CACNA2D2: variants seen among roughly 807,000 people sequenced by gnomAD.
CACNA2D2 encodes calcium voltage-gated channel auxiliary subunit alpha2delta 2, also known as voltage-dependent calcium channel subunit alpha-2/delta-2.
A neutral mutation model predicts 166.4 loss-of-function variants in CACNA2D2; 48 were observed. The ratio of observed to expected loss-of-function variants is 0.29; its 90% CI spans 0.23 to 0.37. The LOEUF (loss-of-function observed/expected upper bound fraction) is 0.37. CACNA2D2 is among the 10% of genes least tolerant of loss of function. The pLI is 1.00. For missense variants in CACNA2D2, 1,122 were observed against 1,433.0 expected (o/e 0.78, Z 3.50); for synonymous variants, 561 against 573.7 (o/e 0.98, Z 0.32).
In CACNA2D2 at chr3:50,363,184, C is replaced by A. The variant is rs1027307937; in HGVS notation, c.*1482G>T. On this transcript the variant is annotated 3_prime_UTR_variant, in exon 38 of 38. Transcript: ENST00000424201. ...TGACTACACTACAGTTACACGCACG[C>A]CCCCGAAGGACACAGCTGGCATCCA... 8 of 398,942 alleles carry A rather than the reference C, an allele frequency of 2.0e-5. No individual in the cohort carries two copies. Among genetic ancestry groups the A allele is most frequent in the Non-Finnish European group, 3.5e-5 (8 of 226,064 alleles). The allele number at this position is 398,942 out of a possible 1,614,324, so 24.7% of individuals were successfully genotyped here. A position where few individuals can be genotyped will look rare whatever the true frequency, so the allele number is the denominator to read the frequency against.
chr3:50,490,595 C>T (rs928380235), intron 1 of CACNA2D2, among the ~76,000 whole-genome samples: 3 of 152,220 alleles, frequency 2.0e-5, no homozygotes, highest in African/African-American at 7.2e-5. Context: ...CCCTCTGGCT[C>T]CAGCAAAGCC....
intron 2 of CACNA2D2, among the ~76,000 whole-genome samples, chr3:50,467,863 A>G (rs1236409122): frequency 6.6e-6 from 1 of 152,180 alleles, no homozygotes; most frequent in African/African-American, 2.4e-5. Flanking sequence ...CTCCGCTTAC[A>G]AGGTGAGGGC....
chr3:50,448,220 G>A (rs1363336775), intron 2 of CACNA2D2, among the ~76,000 whole-genome samples: 1 of 152,172 alleles, frequency 6.6e-6, no homozygotes, highest in African/African-American at 2.4e-5. Context: ...GCTCTGCAGG[G>A]TTGCCCTGCA....
chr3:50,367,538 T>A lies in CACNA2D2; in HGVS notation c.2298-41A>T. The A allele has an allele frequency of 2.5e-6, 4 of 1,609,784 alleles. No individual in the cohort carries two copies. The South Asian group carries it at 4.4e-5, about 18-fold the overall frequency. The stretch of plus-strand genomic sequence containing the variant: ...GGCAGACTGGTAGGTAAGGGGTGGC[T>A]TGTCGGGGACAGTGGTCTCCACAGA... On this transcript the variant is annotated intron_variant, in intron 26 of 37. Transcript: ENST00000424201. The surrounding 1 kb of genome is among the most constrained non-coding windows in gnomAD (Gnocchi z 6.5).
At chr3:50,405,512 G>A (rs1202988815) in intron 3 of CACNA2D2, among the ~76,000 whole-genome samples, 2 of 152,170 alleles carry the variant, frequency 1.3e-5, no homozygotes, top group African/African-American at 4.8e-5. Context: ...ATCTTGCCCA[G>A]GCCCCCTCAT....
At chr3:50,432,121 G>C (rs1211473451) in intron 3 of CACNA2D2, among the ~76,000 whole-genome samples, 1 of 152,170 alleles carries the variant, frequency 6.6e-6, no homozygotes, top group Non-Finnish European at 1.5e-5. Flanking sequence ...CCAGCAAGGG[G>C]GGTGCAGGGA....
At chr3:50,426,900 C>T (rs1160188671) in intron 3 of CACNA2D2, among the ~76,000 whole-genome samples, 1 of 152,176 alleles carries the variant, frequency 6.6e-6, no homozygotes, top group African/African-American at 2.4e-5. Context: ...GACCCTTGGC[C>T]ATGTCCCAGC....
chr3:50,484,732 A>G (rs990382340), intron 1 of CACNA2D2, among the ~76,000 whole-genome samples: 1 of 152,188 alleles, frequency 6.6e-6, no homozygotes, highest in Non-Finnish European at 1.5e-5. Flanking sequence ...TCCATCAGAC[A>G]TCCTCCCTCT....
At position 50,379,058 on chromosome 3, in the gene CACNA2D2, G is replaced by C; in HGVS notation, c.1260+34C>G. The C allele has an allele frequency of 6.2e-7, 1 of 1,613,310 alleles. No homozygotes were observed. The highest frequency in any genetic ancestry group is 8.5e-7 in the Non-Finnish European group (1 of 1,179,414). On this transcript the variant is annotated intron_variant, in intron 12 of 37. Coordinates refer to ENST00000424201, the MANE Select transcript of CACNA2D2 (RefSeq NM_006030.4). This position sits in a 1 kb window ranked among gnomAD's most constrained non-coding sequence, Gnocchi z 6.5. ...ACAGCCCTCTTCTGTACTGGGCCCAGGTCAGGGTAGCCCCTGCCTCGGTTG... is the reference window on the plus strand; with the variant it reads ...ACAGCCCTCTTCTGTACTGGGCCCACGTCAGGGTAGCCCCTGCCTCGGTTG...
intron 3 of CACNA2D2, among the ~76,000 whole-genome samples, chr3:50,405,733 C>A (rs1322444599): frequency 1.3e-5 from 2 of 152,150 alleles, no homozygotes; most frequent in Non-Finnish European, 1.5e-5. Flanking sequence ...GCCCACTGGC[C>A]CCCCCATACA....
chr3:50,431,389 G>A (rs1273294056), intron 3 of CACNA2D2, among the ~76,000 whole-genome samples: 2 of 152,170 alleles, frequency 1.3e-5, no homozygotes, highest in African/African-American at 2.4e-5. Flanking sequence ...TGCTGCAGCA[G>A]GAGGAGTTCA....
chr3:50,401,059 A>G (rs1040791923), intron 3 of CACNA2D2, among the ~76,000 whole-genome samples: 1 of 152,226 alleles, frequency 6.6e-6, no homozygotes, highest in Non-Finnish European at 1.5e-5. Context: ...CAGAGTAACA[A>G]AAAACACTGA....
At chr3:50,418,522 G>A (rs937772956) in intron 3 of CACNA2D2, among the ~76,000 whole-genome samples, 1 of 152,190 alleles carries the variant, frequency 6.6e-6, no homozygotes, top group Non-Finnish European at 1.5e-5. Flanking sequence ...CCTTGGGGAT[G>A]TCTCCCTGAG....
intron 2 of CACNA2D2, among the ~76,000 whole-genome samples, chr3:50,449,509 A>G (rs1030408993): frequency 6.6e-6 from 1 of 152,152 alleles, no homozygotes; most frequent in Admixed American, 6.5e-5. Flanking sequence ...CCTCAGGGGT[A>G]GTGGTTGGGA....
chr3:50,413,587 C>T (rs1331934611), intron 3 of CACNA2D2, among the ~76,000 whole-genome samples: 1 of 152,180 alleles, frequency 6.6e-6, no homozygotes, highest in African/African-American at 2.4e-5. Flanking sequence ...TGGCTCACCC[C>T]TGTAATCCCA....
intron 1 of CACNA2D2, among the ~76,000 whole-genome samples, chr3:50,497,579 AAGCCAAC>A (rs1698775132): frequency 6.6e-6 from 1 of 152,202 alleles, no homozygotes; most frequent in African/African-American, 2.4e-5. Context: ...CGGGGACACC[AAGCCAAC>A]AGCCTGAGTC....
chr3:50,441,527 A>T (rs985113248), intron 2 of CACNA2D2, among the ~76,000 whole-genome samples: 1 of 152,268 alleles, frequency 6.6e-6, no homozygotes, highest in African/African-American at 2.4e-5. Context: ...AGCAAGGGCC[A>T]GTCTGTGCCA....
intron 2 of CACNA2D2, among the ~76,000 whole-genome samples, chr3:50,449,121 G>T (rs564545405): frequency 6.6e-6 from 1 of 152,350 alleles, no homozygotes; most frequent in African/African-American, 2.4e-5. Flanking sequence ...TTAGCCAGTG[G>T]CTTAGAGAGG....
intron 6 of CACNA2D2, among the ~76,000 whole-genome samples, chr3:50,383,291 A>C (rs1403540539): frequency 6.6e-6 from 1 of 151,758 alleles, no homozygotes; most frequent in Non-Finnish European, 1.5e-5. Flanking sequence ...CCCGAGATGG[A>C]GAGGGCCTCC....
Sources: allele counts gnomAD v4.1 joint callset (sites outside exome capture counted in the v4.1 genomes callset), GRCh38; gene constraint gnomAD v4.1.1; non-coding constraint Gnocchi (gnomAD v3.1); transcripts MANE v1.5; gene names NCBI Gene and HGNC (gene_info 2026-07-23, HGNC 2026-07-21).